PLPPR1: variants seen among roughly 807,000 people sequenced by gnomAD.
The protein encoded by PLPPR1 is phospholipid phosphatase-related protein type 1.
In PLPPR1, 10 loss-of-function variants were observed where a neutral mutation model predicts 33.1. The observed-to-expected ratio is 0.30, with a 90% CI of 0.19 to 0.51. PLPPR1 has a LOEUF of 0.51. Among genes scored for constraint, PLPPR1 ranks in the 20% least tolerant of loss-of-function variants. The pLI, the probability that PLPPR1 is intolerant of heterozygous loss-of-function variation, is 0.97. For synonymous variants in PLPPR1, 151 were observed against 151.0 expected (o/e 1.00, Z 0.00); for missense variants, 304 against 408.1 (o/e 0.74, Z 2.20).
intron 1 of PLPPR1, among the ~76,000 whole-genome samples, chr9:101,092,105 C>G (rs1372170618): frequency 6.6e-6 from 1 of 152,072 alleles, no homozygotes; most frequent in Non-Finnish European, 1.5e-5. Context: ...ACAACATGCT[C>G]TCTCTCACCT....
chr9:101,031,264 T>A (rs575762705), intron 1 of PLPPR1, among the ~76,000 whole-genome samples: 1 of 152,338 alleles, frequency 6.6e-6, no homozygotes, highest in South Asian at 2.1e-4. Flanking sequence ...TACTATATAT[T>A]TCCTCTTCCT....
chr9:101,193,000 G>A (rs1250294618), intron 2 of PLPPR1, among the ~76,000 whole-genome samples: 1 of 152,108 alleles, frequency 6.6e-6, no homozygotes, highest in Non-Finnish European at 1.5e-5. Context: ...ATGAGCTATG[G>A]TTTCCAGCAC....
intron 1 of PLPPR1, among the ~76,000 whole-genome samples, chr9:101,174,603 T>C (rs1395522016): frequency 1.3e-5 from 2 of 152,148 alleles, no homozygotes; most frequent in Non-Finnish European, 2.9e-5. Flanking sequence ...CCTCCTGCTA[T>C]CACCATGCTC....
intron 1 of PLPPR1, among the ~76,000 whole-genome samples, chr9:101,183,983 T>C (rs1826162223): frequency 6.6e-6 from 1 of 151,710 alleles, no homozygotes; most frequent in South Asian, 2.1e-4. Context: ...AACAGGAAAG[T>C]TCATTTATAT....
intron 2 of PLPPR1, among the ~76,000 whole-genome samples, chr9:101,223,148 C>CAAAAAA (rs869205435): frequency 5.9e-4 from 14 of 23,602 alleles, no homozygotes; most frequent in African/African-American, 1.9e-3. Context: ...CCCATCTCTA[C>CAAAAAA]AAAAAAAAAA....
rs562185986 is a variant in PLPPR1, at chr9:101,101,736, T to G, written c.-46+72634T>G. 2.4e-4 allele frequency among the ~76,000 whole-genome samples: 37 copies of G among 151,872 alleles called. No individual in the cohort carries two copies. The South Asian group carries it at 3.1e-3, about 13-fold the overall frequency. On this transcript the variant is annotated intron_variant, in intron 1 of 7. Coordinates refer to ENST00000374874, the MANE Select transcript of PLPPR1 (RefSeq NM_207299.2). Reference sequence around the variant, plus strand: ...AAACTATTAGCTCCTTGAGGGCAAATCTTTTTTTTCTGCATTCTTCATCAT... The same window carrying G: ...AAACTATTAGCTCCTTGAGGGCAAAGCTTTTTTTTCTGCATTCTTCATCAT...
chr9:101,070,984 A>C (rs903248013), intron 1 of PLPPR1, among the ~76,000 whole-genome samples: 4 of 142,214 alleles, frequency 2.8e-5, no homozygotes, highest in African/African-American at 1.1e-4. Flanking sequence ...ATTGTGAAAT[A>C]TCAGTCAAAA....
At chr9:101,189,145 T>C (rs1381009016) in intron 2 of PLPPR1, among the ~76,000 whole-genome samples, 3 of 151,706 alleles carry the variant, frequency 2.0e-5, no homozygotes, top group African/African-American at 7.3e-5. Flanking sequence ...AGGGTGAAGC[T>C]TGGTTTCATA....
intron 1 of PLPPR1, among the ~76,000 whole-genome samples, chr9:101,101,081 A>C (rs1830892432): frequency 6.6e-6 from 1 of 152,162 alleles, no homozygotes; most frequent in African/African-American, 2.4e-5. Flanking sequence ...AACTTTGTGC[A>C]TTCTTTTATT....
rs139146666 is a variant in PLPPR1, at chr9:101,194,977, C to T, written c.63+9420C>T. On this transcript the variant is annotated intron_variant, in intron 2 of 7. Transcript: ENST00000374874. ...GTATGCGATAGTTTTGCCATAATAACAGACTATGCCTAAATCTCAGTGGCT... is the reference window on the plus strand; with the variant it reads ...GTATGCGATAGTTTTGCCATAATAATAGACTATGCCTAAATCTCAGTGGCT... Among the ~76,000 whole-genome samples the T allele has an allele frequency of 5.6e-3, 850 of 152,298 alleles. 3 individuals are homozygous for T. Among genetic ancestry groups the T allele is most frequent in the Middle Eastern group, 0.031 (9 of 294 alleles).
chr9:101,142,115 C>T, intron 1 of PLPPR1, among the ~76,000 whole-genome samples: 1 of 152,126 alleles, frequency 6.6e-6, no homozygotes, highest in East Asian at 1.9e-4. Context: ...TTCTCCTTCA[C>T]CAAGAGAATA....
chr9:101,284,914 C>CA (rs1217346555), intron 3 of PLPPR1, among the ~76,000 whole-genome samples: 1 of 152,154 alleles, frequency 6.6e-6, no homozygotes, highest in African/African-American at 2.4e-5. Context: ...TTAGGAAAAT[C>CA]AAAATGGCAT....
chr9:101,269,732 C>CA (rs1260114311), intron 2 of PLPPR1, 148 bp from the exon 3 acceptor site: 1 of 715,572 alleles, frequency 1.4e-6, no homozygotes, highest in Non-Finnish European at 2.5e-6. Context: ...CACACACTCC[C>CA]AGAGCACGCT....
chr9:101,284,645 G>A (rs1034479795), intron 3 of PLPPR1, among the ~76,000 whole-genome samples: 3 of 152,156 alleles, frequency 2.0e-5, no homozygotes, highest in African/African-American at 7.2e-5. Flanking sequence ...GTGTGTGTCC[G>A]AGTTCCTGAA....
At chr9:101,031,398 G>A (rs1385168657) in intron 1 of PLPPR1, among the ~76,000 whole-genome samples, 1 of 152,124 alleles carries the variant, frequency 6.6e-6, no homozygotes, top group Non-Finnish European at 1.5e-5. Context: ...GTCCCTCAAA[G>A]TGTTTATGTT....
At chr9:101,139,985 G>C (rs908511966) in intron 1 of PLPPR1, among the ~76,000 whole-genome samples, 1 of 152,154 alleles carries the variant, frequency 6.6e-6, no homozygotes, top group African/African-American at 2.4e-5. Context: ...TACCTCAACT[G>C]CTCACAGGAA....
At chr9:101,090,581 A>G (rs957574011) in intron 1 of PLPPR1, among the ~76,000 whole-genome samples, 14 of 152,032 alleles carry the variant, frequency 9.2e-5, no homozygotes, top group Non-Finnish European at 1.9e-4. Flanking sequence ...ACCTGAGTTC[A>G]GTGTTCACGT....
chr9:101,268,721 T>A (rs1554686325), intron 2 of PLPPR1, among the ~76,000 whole-genome samples: 2 of 152,244 alleles, frequency 1.3e-5, no homozygotes, highest in Non-Finnish European at 2.9e-5. Flanking sequence ...CTGCCTTATA[T>A]GTACTTCAAA....
chr9:101,204,939 G>A (rs938523746), intron 2 of PLPPR1, among the ~76,000 whole-genome samples: 6 of 152,074 alleles, frequency 3.9e-5, no homozygotes, highest in Non-Finnish European at 8.8e-5. Flanking sequence ...CGGGGAGGGG[G>A]AGGGAAATGG....
Sources: gnomAD v4.1 joint callset for allele counts (sites outside exome capture counted in the v4.1 genomes callset) on GRCh38, gnomAD v4.1.1 for gene constraint, MANE v1.5 for transcripts, NCBI Gene and HGNC (gene_info 2026-07-23, HGNC 2026-07-21) for gene names.